Variants in SGCZ observed in about 807,000 individuals in gnomAD.
SGCZ encodes sarcoglycan zeta, also known as zeta-sarcoglycan.
SGCZ carries 40 observed loss-of-function variants against 41.3 expected under a neutral mutation model. The ratio of observed to expected loss-of-function variants is 0.97; its 90% confidence interval spans 0.75 to 1.26. The LOEUF (loss-of-function observed/expected upper bound fraction) is 1.26, where lower values mean the gene tolerates loss of function less well. Among genes scored for constraint, SGCZ ranks in the 50% most tolerant of loss-of-function variants. The pLI is 0.00. For synonymous variants in SGCZ, 206 were observed against 137.5 expected, an observed-to-expected ratio of 1.50 and a Z score of -3.49; for missense variants, 552 against 369.8, an observed-to-expected ratio of 1.49 and a Z score of -4.04.
intron 1 of SGCZ, among the ~76,000 whole-genome samples, chr8:15,129,847 G>C (rs928672465): frequency 1.3e-5 from 2 of 151,786 alleles, no homozygotes; most frequent in Non-Finnish European, 2.9e-5. Flanking sequence ...GCACCCTTCT[G>C]CTCCACGTCC....
At chr8:14,283,519 A>C (rs1800521064) in intron 3 of SGCZ, among the ~76,000 whole-genome samples, 1 of 152,234 alleles carries the variant, frequency 6.6e-6, no homozygotes, top group Non-Finnish European at 1.5e-5. Flanking sequence ...ATATATATAA[A>C]TAAAAATCAC....
At chr8:14,099,335 C>CCTGA (rs1801939841) in intron 7 of SGCZ, among the ~76,000 whole-genome samples, 1 of 152,182 alleles carries the variant, frequency 6.6e-6, no homozygotes, top group South Asian at 2.1e-4. Flanking sequence ...CAATCACATC[C>CCTGA]CTGAGCTCTT....
chr8:14,645,741 T>C (rs1207057986), intron 1 of SGCZ, among the ~76,000 whole-genome samples: 1 of 151,570 alleles, frequency 6.6e-6, no homozygotes, highest in African/African-American at 2.4e-5. Flanking sequence ...TTTAATATTG[T>C]AAATTTTTAC....
intron 4 of SGCZ, among the ~76,000 whole-genome samples, chr8:14,186,337 C>A (rs1395768661): frequency 6.6e-6 from 1 of 152,206 alleles, no homozygotes; most frequent in Non-Finnish European, 1.5e-5. Flanking sequence ...CCATGAATCT[C>A]TCTATTTCCT....
chr8:14,694,994 G>A (rs921412972), intron 1 of SGCZ, among the ~76,000 whole-genome samples: 2 of 152,082 alleles, frequency 1.3e-5, no homozygotes, highest in Non-Finnish European at 2.9e-5. Flanking sequence ...ATCCACATTT[G>A]CACGGAATAT....
At chr8:15,127,984 T>G (rs910414843) in intron 1 of SGCZ, among the ~76,000 whole-genome samples, 1 of 152,166 alleles carries the variant, frequency 6.6e-6, no homozygotes, top group Non-Finnish European at 1.5e-5. Context: ...CAAAAAGAAA[T>G]TCCAAAGAAT....
chr8:14,209,825 AAATAT>A, intron 4 of SGCZ, among the ~76,000 whole-genome samples: 1 of 11,532 alleles, frequency 8.7e-5, no homozygotes. Context: ...ATTTTCATAA[AAATAT>A]AACCTGTATG....
At chr8:14,964,523 ACT>A (rs1801068489) in intron 1 of SGCZ, among the ~76,000 whole-genome samples, 1 of 152,052 alleles carries the variant, frequency 6.6e-6, no homozygotes, top group Non-Finnish European at 1.5e-5. Flanking sequence ...ATTAGCGCAA[ACT>A]CTCAGGATCA....
At chr8:14,310,172 G>A (rs1231283939) in intron 3 of SGCZ, among the ~76,000 whole-genome samples, 3 of 151,990 alleles carry the variant, frequency 2.0e-5, no homozygotes, top group African/African-American at 4.8e-5. Context: ...TCTTCCTGAT[G>A]GCTGATAGAT....
intron 1 of SGCZ, among the ~76,000 whole-genome samples, chr8:15,034,232 A>G (rs1266206923): frequency 6.6e-6 from 1 of 152,172 alleles, no homozygotes; most frequent in Non-Finnish European, 1.5e-5. Context: ...AAGGGAAATA[A>G]TAAGTGGCCA....
intron 7 of SGCZ, among the ~76,000 whole-genome samples, chr8:14,101,342 AGAAAAAGACCATAGAAAATTG>A (rs1434823360): frequency 6.1e-5 from 5 of 82,050 alleles, no homozygotes; most frequent in South Asian, 4.3e-4. Flanking sequence ...TCAGAGTTTC[AGAAAAAGACCATAGAAAATTG>A]GGAAAAGACC....
At position 14,886,028 on chromosome 8, in the gene SGCZ, TATATATAA is replaced by T. The variant is rs1244156509; in HGVS notation, c.40-331110_40-331103del. On this transcript the variant is annotated intron_variant, in intron 1 of 7. Transcript: ENST00000382080. ...ATATATATATATATATATATATATA[TATATATAA>T]AATTGTATACTTAGCTTTTTCACTT... Among the ~76,000 whole-genome samples the T allele has an allele frequency of 6.4e-5, 7 of 110,084 alleles. No individual in the cohort carries two copies. In the East Asian group the frequency reaches 1.4e-3, roughly 23 times the overall value. The allele number at this position is 110,084 out of a possible 152,430, so 72.2% of individuals were successfully genotyped here.
At chr8:14,558,251 A>G (rs1355497650) in intron 1 of SGCZ, among the ~76,000 whole-genome samples, 1 of 152,124 alleles carries the variant, frequency 6.6e-6, no homozygotes, top group Non-Finnish European at 1.5e-5. Context: ...AAGAATTGGT[A>G]TCAATCCTGT....
intron 1 of SGCZ, among the ~76,000 whole-genome samples, chr8:15,230,571 A>G (rs896227450): frequency 2.0e-5 from 3 of 152,342 alleles, no homozygotes; most frequent in South Asian, 2.1e-4. Context: ...AACTATATCA[A>G]TGTGAAAATA....
At chr8:14,934,189 A>C (rs1800012934) in intron 1 of SGCZ, among the ~76,000 whole-genome samples, 1 of 152,010 alleles carries the variant, frequency 6.6e-6, no homozygotes, top group Admixed American at 6.6e-5. Flanking sequence ...TGTATTCATA[A>C]TCAGAAGTCA....
At chr8:14,720,080 C>A (rs1042944519) in intron 1 of SGCZ, among the ~76,000 whole-genome samples, 1 of 151,956 alleles carries the variant, frequency 6.6e-6, no homozygotes, top group African/African-American at 2.4e-5. Flanking sequence ...TATGGCTAGC[C>A]AGTTTTCCCA....
At chr8:14,472,375 T>G (rs1190208545) in intron 2 of SGCZ, among the ~76,000 whole-genome samples, 2 of 152,120 alleles carry the variant, frequency 1.3e-5, no homozygotes, top group African/African-American at 4.8e-5. Flanking sequence ...TCAATACCTC[T>G]GCAGTACCAT....
At chr8:14,280,898 G>C (rs549081506) in intron 3 of SGCZ, among the ~76,000 whole-genome samples, 1 of 151,280 alleles carries the variant, frequency 6.6e-6, no homozygotes, top group Non-Finnish European at 1.5e-5. Context: ...GAGGGAGAAA[G>C]TACATATGAA....
chr8:15,123,475 C>A lies in SGCZ; in HGVS notation c.39+114110G>T, dbSNP rs188384975. Among the ~76,000 whole-genome samples, 516 of 152,164 alleles carry A rather than the reference C, an allele frequency of 3.4e-3. 2 individuals carry two copies. The highest frequency in any genetic ancestry group is 6.1e-3 in the Non-Finnish European group (413 of 68,000). ...TAGACTAGAATCCTAGACTATTAGA[C>A]CAGAGGAGATATAGAATTTACATAG... is the stretch of plus-strand genomic sequence containing the variant. On this transcript the variant is annotated intron_variant, in intron 1 of 7. Transcript: ENST00000382080.
Sources: allele counts gnomAD v4.1 joint callset (sites outside exome capture counted in the v4.1 genomes callset), GRCh38; gene constraint gnomAD v4.1.1; transcripts MANE v1.5; gene names NCBI Gene and HGNC (gene_info 2026-07-23, HGNC 2026-07-21).